ZNF714: variants seen among roughly 807,000 people sequenced by gnomAD.
The protein encoded by ZNF714 is zinc finger protein 714.
Under a neutral mutation model 46.2 loss-of-function variants are expected in ZNF714, and 32 were observed. The observed-to-expected ratio is 0.69, with a 90% CI of 0.52 to 0.93. The LOEUF is 0.93. ZNF714 is among the 40% of genes least tolerant of loss of function. ZNF714 has a pLI of 0.00. For synonymous variants in ZNF714, 199 were observed against 213.1 expected, an observed-to-expected ratio of 0.93 and a Z score of 0.58; for missense variants, 635 against 646.3, an observed-to-expected ratio of 0.98 and a Z score of 0.19.
At position 21,116,794 on chromosome 19, in the gene ZNF714, G is replaced by C; in HGVS notation, c.143-13G>C. 1 of 1,567,780 alleles carries C rather than the reference G, an allele frequency of 6.4e-7. No homozygotes were observed. Among genetic ancestry groups the C allele is most frequent in the Non-Finnish European group, 8.6e-7 (1 of 1,163,378 alleles). On this transcript the variant is annotated splice_polypyrimidine_tract_variant and intron_variant, in intron 4 of 4. Coordinates refer to ENST00000456283, the MANE Select transcript of ZNF714 (RefSeq NM_182515.4). ...TAGTAAGTTGAATAATTTGTTGTTT[G>C]TATTTCTTTCAGCTATGTGTTCTTC...
intron 2 of ZNF714, 62 bp from the exon 3 acceptor site, chr19:21,098,122 TA>T: frequency 6.5e-7 from 1 of 1,534,952 alleles, no homozygotes; most frequent in East Asian, 2.3e-5. Flanking sequence ...TTAATTCAAA[TA>T]ATAAATTCTG....
intron 4 of ZNF714, chr19:21,109,601 A>C (rs1465989840): frequency 4.5e-6 from 1 of 224,408 alleles, no homozygotes; most frequent in Non-Finnish European, 7.5e-6. Context: ...ATTTAATTTA[A>C]TGTAATTTAA....
chr19:21,109,860 CTG>C (rs1969410629), intron 4 of ZNF714, among the ~76,000 whole-genome samples: 1 of 152,018 alleles, frequency 6.6e-6, no homozygotes, highest in South Asian at 2.1e-4. Flanking sequence ...TTTTCTGTTC[CTG>C]TGTTAGTTTG....
chr19:21,093,448 T>C (rs1204077328), intron 2 of ZNF714, among the ~76,000 whole-genome samples: 1 of 149,580 alleles, frequency 6.7e-6, no homozygotes, highest in African/African-American at 2.5e-5. Flanking sequence ...CCCAGGCTGG[T>C]CTCAAACTCC....
chr19:21,099,496 C>T (rs1969123633), intron 4 of ZNF714, among the ~76,000 whole-genome samples: 1 of 151,724 alleles, frequency 6.6e-6, no homozygotes, highest in Admixed American at 6.6e-5. Context: ...CTCTATGTTA[C>T]ATTATTTTTT....
At chr19:21,099,295 A>G (rs1035210258) in intron 4 of ZNF714, among the ~76,000 whole-genome samples, 10 of 152,066 alleles carry the variant, frequency 6.6e-5, no homozygotes, top group African/African-American at 2.4e-4. Context: ...TTCCTGCCTC[A>G]GTCTCCTGGG....
rs201067883 is a variant in ZNF714, at chr19:21,116,809, A to G, written c.145A>G (p.Met49Val). 1.8e-5 allele frequency: 29 copies of G among 1,583,602 alleles called. No homozygotes were observed. Among genetic ancestry groups the G allele is most frequent in the African/African-American group, 4.1e-5 (3 of 73,002 alleles). ...TTTGTTGTTTGTATTTCTTTCAGCTATGTGTTCTTCTTTTACCAGAGACCT... is the reference window on the plus strand; with the variant it reads ...TTTGTTGTTTGTATTTCTTTCAGCTGTGTGTTCTTCTTTTACCAGAGACCT... Reference protein sequence around the residue: ...ICEMVDESPAMCSSFTRDLWP... With the variant: ...ICEMVDESPAVCSSFTRDLWP... Residue 49 changes from methionine to valine, a missense_variant and splice_region_variant, in exon 5 of 5, where the codon ATG (methionine) becomes GTG (valine). Coordinates refer to ENST00000456283, the MANE Select transcript of ZNF714 (RefSeq NM_182515.4).
At position 21,116,986 on chromosome 19, in the gene ZNF714, T is replaced by C; in HGVS notation, c.322T>C (p.Cys108Arg). The change falls in exon 5 of 5, where the codon TGT becomes CGT. Residue 108 changes from cysteine (C) to arginine (R), a missense_variant. Coordinates refer to ENST00000456283, the MANE Select transcript of ZNF714 (RefSeq NM_182515.4). ...YKKGYNELNQ[C>R]LTTTQSKIFP... ...AAAAGGTTATAATGAACTAAACCAG[T>C]GTTTGACAACTACCCAGAGCAAAAT... 2 of 1,613,914 alleles carry C rather than the reference T, an allele frequency of 1.2e-6. No homozygotes were observed. Among genetic ancestry groups the C allele is most frequent in the Non-Finnish European group, 1.7e-6 (2 of 1,179,880 alleles).
Position 21,118,653 on chromosome 19 carries a change from A to G in ZNF714, c.*321A>G. 1 of 237,506 alleles carries G rather than the reference A, an allele frequency of 4.2e-6. No homozygotes were observed. The highest frequency in any genetic ancestry group is 8.6e-6 in the Non-Finnish European group (1 of 116,618). 14.7% of individuals were successfully genotyped at this position (237,506 alleles called of 1,614,324 possible). On this transcript the variant is annotated 3_prime_UTR_variant, in exon 5 of 5. Transcript: ENST00000456283. ...ACTAGGCATTAAAAATTCATACTGT[A>G]CAGAAACCCTACGAGGGTGAAAAAC...
rs763617287 is a variant in ZNF714 at position 21,087,240 on chromosome 19, A to C, written c.-85+3171A>C. 1.9e-3 allele frequency among the ~76,000 whole-genome samples: 295 copies of C among 151,894 alleles called. 2 individuals are homozygous for C. The highest frequency in any genetic ancestry group is 2.8e-3 in the Non-Finnish European group (192 of 67,952). On this transcript the variant is annotated intron_variant, in intron 2 of 4. Coordinates refer to ENST00000456283, the MANE Select transcript of ZNF714 (RefSeq NM_182515.4). Reference sequence around the variant, plus strand: ...GTCTCAGCAAAAAAAAAAAAAAAAAAAAAAAACATGATCGACAAGGAAATT... The same window carrying C: ...GTCTCAGCAAAAAAAAAAAAAAAAACAAAAAACATGATCGACAAGGAAATT...
chr19:21,082,694 G>GGGAAGAGCTTT (rs71176806), intron 1 of ZNF714, among the ~76,000 whole-genome samples: 124,227 of 151,822 alleles, frequency 0.82, 52,811 homozygotes, highest in Middle Eastern at 0.93. Context: ...GTTTATGAAT[G>GGGAAGAGCTTT]GGTCCGTGGG....
intron 4 of ZNF714, among the ~76,000 whole-genome samples, chr19:21,104,950 T>G (rs1301515674): frequency 6.6e-6 from 1 of 151,946 alleles, no homozygotes; most frequent in African/African-American, 2.4e-5. Context: ...TGCAAATCAT[T>G]AATTCTGCTT....
chr19:21,114,954 G>A (rs555118001), intron 4 of ZNF714, among the ~76,000 whole-genome samples: 1 of 150,534 alleles, frequency 6.6e-6, no homozygotes, highest in Non-Finnish European at 1.5e-5. Context: ...TTGTATCTTT[G>A]TTCCTCATTT....
In ZNF714 at chr19:21,097,813, G is replaced by A. The variant is rs73022644; in HGVS notation, c.-84-372G>A. On this transcript the variant is annotated intron_variant, in intron 2 of 4. Transcript: ENST00000456283. ...AAAAAGCTTCACAACAGGATCTCCAGTTTATTGTACATATTTAAATTTGAG... is the reference window on the plus strand; with the variant it reads ...AAAAAGCTTCACAACAGGATCTCCAATTTATTGTACATATTTAAATTTGAG... 9.2e-3 allele frequency among the ~76,000 whole-genome samples: 1,379 copies of A among 150,458 alleles called. 15 individuals carry two copies. Among genetic ancestry groups the A allele is most frequent in the Non-Finnish European group, 0.015 (997 of 67,730 alleles).
At chr19:21,115,958 TTAATA>T (rs1969587342) in intron 4 of ZNF714, among the ~76,000 whole-genome samples, 1 of 151,888 alleles carries the variant, frequency 6.6e-6, no homozygotes, top group Non-Finnish European at 1.5e-5. Flanking sequence ...ATTTTTAAAA[TTAATA>T]TATACATCTT....
At chr19:21,114,761 T>G (rs741674) in intron 4 of ZNF714, among the ~76,000 whole-genome samples, 125,705 of 152,134 alleles carry the variant, frequency 0.83, 53,624 homozygotes, top group Middle Eastern at 0.94. Context: ...GTACTTCACT[T>G]TGTTTTTGCA....
At chr19:21,106,954 G>C (rs374061249) in intron 4 of ZNF714, among the ~76,000 whole-genome samples, 1 of 151,952 alleles carries the variant, frequency 6.6e-6, no homozygotes, top group East Asian at 2.0e-4. Context: ...CAGCTCCTAA[G>C]TGGCTGGGAT....
intron 4 of ZNF714, among the ~76,000 whole-genome samples, chr19:21,103,236 C>T (rs897497046): frequency 4.6e-5 from 7 of 150,538 alleles, no homozygotes; most frequent in Non-Finnish European, 8.9e-5. Context: ...TCCATTTTTC[C>T]TTTAGAAAAA....
At chr19:21,086,961 G>A (rs905288864) in intron 2 of ZNF714, among the ~76,000 whole-genome samples, 1 of 152,086 alleles carries the variant, frequency 6.6e-6, no homozygotes, top group Non-Finnish European at 1.5e-5. Context: ...GACATTTTAT[G>A]CAAAGTCAAA....
Sources: gnomAD v4.1 joint callset for allele counts (sites outside exome capture counted in the v4.1 genomes callset) on GRCh38, gnomAD v4.1.1 for gene constraint, MANE v1.5 for transcripts, NCBI Gene and HGNC (gene_info 2026-07-23, HGNC 2026-07-21) for gene names.